The following ST6GAL1 variants were observed in gnomAD, a reference collection of about 807,000 sequenced individuals.
ST6GAL1 encodes the protein ST6 beta-galactoside alpha-2,6-sialyltransferase 1.
In ST6GAL1, 20 loss-of-function variants were observed where a neutral mutation model predicts 38.0. The ratio of observed to expected loss-of-function variants is 0.53; its 90% CI spans 0.37 to 0.77. The LOEUF is 0.77. Among genes scored for constraint, ST6GAL1 ranks in the 30% least tolerant of loss-of-function variants. The pLI is 0.00. For synonymous variants in ST6GAL1, 196 were observed against 188.2 expected (o/e 1.04, Z -0.34); for missense variants, 432 against 496.4 (o/e 0.87, Z 1.23).
intron 1 of ST6GAL1, among the ~76,000 whole-genome samples, chr3:186,958,849 A>C (rs62292587): frequency 0.052 from 7,862 of 151,722 alleles, 332 homozygotes; most frequent in Non-Finnish European, 0.072. Context: ...GCTACTCGGG[A>C]GGCTGAGGCA....
intron 5 of ST6GAL1, among the ~76,000 whole-genome samples, chr3:187,064,313 T>C (rs79016400): frequency 0.023 from 3,571 of 152,314 alleles, 155 homozygotes; most frequent in African/African-American, 0.081. Context: ...CTAGTTTTTC[T>C]GTGAGATAAG....
At chr3:186,936,939 C>CAAAAAAAAAA (rs60914982) in intron 1 of ST6GAL1, among the ~76,000 whole-genome samples, 1 of 87,952 alleles carries the variant, frequency 1.1e-5, no homozygotes, top group African/African-American at 4.0e-5. Context: ...AAGACTGTCT[C>CAAAAAAAAAA]AAAAAAAAAA....
chr3:187,020,154 G>A (rs750194853), intron 2 of ST6GAL1, among the ~76,000 whole-genome samples: 4 of 152,116 alleles, frequency 2.6e-5, no homozygotes, highest in Non-Finnish European at 5.9e-5. Flanking sequence ...AAAATTAGCC[G>A]GGCGTGGTGG....
chr3:187,028,700 C>T (rs1171297293), intron 2 of ST6GAL1, among the ~76,000 whole-genome samples: 4 of 152,264 alleles, frequency 2.6e-5, no homozygotes, highest in South Asian at 2.1e-4. Flanking sequence ...ACAAGGTGTA[C>T]GTATTACATA....
At chr3:186,967,228 G>T (rs1253758287) in intron 2 of ST6GAL1, among the ~76,000 whole-genome samples, 1 of 152,198 alleles carries the variant, frequency 6.6e-6, no homozygotes, top group Non-Finnish European at 1.5e-5. Context: ...GTCTTGCTCT[G>T]TTGCCCAGGC....
intron 2 of ST6GAL1, among the ~76,000 whole-genome samples, chr3:186,985,877 G>A (rs1316038061): frequency 1.3e-5 from 2 of 152,238 alleles, no homozygotes; most frequent in Non-Finnish European, 2.9e-5. Flanking sequence ...TCTTCCCCGT[G>A]TATGTGGGCA....
intron 5 of ST6GAL1, among the ~76,000 whole-genome samples, chr3:187,052,582 A>T (rs963725012): frequency 6.6e-6 from 1 of 152,186 alleles, no homozygotes; most frequent in South Asian, 2.1e-4. Context: ...TTTGCTCAGC[A>T]TGATGGTTTC....
At chr3:186,991,330 C>T (rs1400755478) in intron 2 of ST6GAL1, among the ~76,000 whole-genome samples, 1 of 151,982 alleles carries the variant, frequency 6.6e-6, no homozygotes, top group Non-Finnish European at 1.5e-5. Context: ...AGGATGGTTG[C>T]TAATTCTCTG....
intron 1 of ST6GAL1, among the ~76,000 whole-genome samples, chr3:186,933,819 C>T (rs373144382): frequency 1.7e-4 from 26 of 152,330 alleles, no homozygotes; most frequent in African/African-American, 6.0e-4. Context: ...GTTATAACAA[C>T]ACCCTTTAAG....
chr3:187,053,513 A>G (rs1383523314), intron 5 of ST6GAL1, among the ~76,000 whole-genome samples: 1 of 152,198 alleles, frequency 6.6e-6, no homozygotes, highest in Non-Finnish European at 1.5e-5. Context: ...AGCTTTCTAC[A>G]TATGGCTAGC....
At chr3:186,938,737 A>G (rs528901583) in intron 1 of ST6GAL1, among the ~76,000 whole-genome samples, 37 of 152,332 alleles carry the variant, frequency 2.4e-4, no homozygotes, top group African/African-American at 8.9e-4. Flanking sequence ...AAGCACAAAG[A>G]AGAGTGTAAG....
chr3:186,996,371 T>A (rs1716405725), intron 2 of ST6GAL1, among the ~76,000 whole-genome samples: 1 of 152,358 alleles, frequency 6.6e-6, no homozygotes, highest in Admixed American at 6.5e-5. Context: ...CTCTGTTACC[T>A]ACATGATGGC....
chr3:186,989,405 T>C (rs1333306888), intron 2 of ST6GAL1, among the ~76,000 whole-genome samples: 1 of 152,328 alleles, frequency 6.6e-6, no homozygotes, highest in Middle Eastern at 3.4e-3. Flanking sequence ...AGACAGGCTG[T>C]CTTGAAAGAA....
At chr3:187,051,205 TG>T in intron 4 of ST6GAL1, 43 bp from the exon 5 acceptor site, 4 of 1,549,952 alleles carry the variant, frequency 2.6e-6, no homozygotes, top group Non-Finnish European at 3.6e-6. Flanking sequence ...TTCTGCATAT[TG>T]CCAGTGCTCA....
intron 2 of ST6GAL1, chr3:186,996,694 C>T (rs2108549679): frequency 6.6e-6 from 1 of 152,206 alleles, no homozygotes; most frequent in Non-Finnish European, 1.5e-5. Flanking sequence ...TGACAGGGCT[C>T]ATCTCATAGG....
intron 2 of ST6GAL1, among the ~76,000 whole-genome samples, chr3:187,009,704 G>C (rs1716894899): frequency 2.0e-5 from 3 of 152,096 alleles, no homozygotes; most frequent in Admixed American, 2.0e-4. Flanking sequence ...ATTTTTAATT[G>C]TTCAATCGTG....
In ST6GAL1 at chr3:187,056,728, C is replaced by T. The variant is rs181643277; in HGVS notation, c.705+5382C>T. 3.4e-3 allele frequency among the ~76,000 whole-genome samples: 519 copies of T among 152,238 alleles called. 6 individuals are homozygous for T. The highest frequency in any genetic ancestry group is 0.011 in the African/African-American group (463 of 41,518). ...AACCTGATGTTTCTCTCTGGCTGCC[C>T]TTAATATTTTTTCCTTCATTTCAAC... On this transcript the variant is annotated intron_variant, in intron 5 of 7. Coordinates refer to ENST00000169298, the MANE Select transcript of ST6GAL1 (RefSeq NM_173216.2).
chr3:186,963,533 C>T (rs543966548), intron 1 of ST6GAL1, among the ~76,000 whole-genome samples: 1 of 152,324 alleles, frequency 6.6e-6, no homozygotes, highest in South Asian at 2.1e-4. Context: ...TTTCTTACCA[C>T]AAGTAGTGAG....
intron 2 of ST6GAL1, among the ~76,000 whole-genome samples, chr3:187,022,297 T>A (rs577239991): frequency 1.3e-5 from 2 of 151,878 alleles, no homozygotes; most frequent in African/African-American, 4.8e-5. Flanking sequence ...TCTGTGTTGA[T>A]TGTTGTGGTG....
Sources: allele counts gnomAD v4.1 joint callset (sites outside exome capture counted in the v4.1 genomes callset), GRCh38; gene constraint gnomAD v4.1.1; transcripts MANE v1.5; gene names NCBI Gene and HGNC (gene_info 2026-07-23, HGNC 2026-07-21).